PLTP: variants seen among roughly 807,000 people sequenced by gnomAD.
PLTP encodes the protein BPI fold containing family E.
Under a neutral mutation model 54.1 loss-of-function variants are expected in PLTP, and 43 were observed. The observed-to-expected ratio is 0.79, with a 90% CI of 0.62 to 1.02. The LOEUF (loss-of-function observed/expected upper bound fraction) is 1.02, where lower values mean the gene tolerates loss of function less well. Ranked by LOEUF, PLTP falls within the 50% of genes least tolerant of loss-of-function variation. The pLI, the probability that PLTP is intolerant of heterozygous loss-of-function variation, is 0.00. For missense variants in PLTP, 604 were observed against 645.9 expected, an observed-to-expected ratio of 0.94 and a Z score of 0.70; for synonymous variants, 263 against 264.6, an observed-to-expected ratio of 0.99 and a Z score of 0.06.
intron 1 of PLTP, 65 bp from the exon 2 acceptor site, chr20:45,911,528 C>T (rs1429655054): frequency 6.3e-7 from 1 of 1,592,798 alleles, no homozygotes. Context: ...GGACGTCCAA[C>T]CATAAGTGGG....
chr20:45,908,866 T>C (rs1015428933), intron 5 of PLTP, among the ~76,000 whole-genome samples: 1 of 152,064 alleles, frequency 6.6e-6, no homozygotes, highest in African/African-American at 2.4e-5. Flanking sequence ...ATCCAGTACA[T>C]GGCCAAATGT....
chr20:45,902,365 G>A (rs2083194452), intron 11 of PLTP, 31 bp from the exon 12 acceptor site: 1 of 1,614,086 alleles, frequency 6.2e-7, no homozygotes, highest in Admixed American at 1.7e-5. Context: ...GGATGTTACT[G>A]ACCCAGAAGG....
At chr20:45,901,668 G>A (rs187105235) in intron 12 of PLTP, among the ~76,000 whole-genome samples, 184 of 152,112 alleles carry the variant, frequency 1.2e-3, no homozygotes, top group African/African-American at 4.3e-3. Flanking sequence ...TTGGGAGGCC[G>A]GGGCAGGTGA....
intron 5 of PLTP, among the ~76,000 whole-genome samples, chr20:45,908,425 C>A (rs1314751584): frequency 6.6e-6 from 1 of 152,104 alleles, no homozygotes; most frequent in Non-Finnish European, 1.5e-5. Context: ...TGACAGTGTA[C>A]CAACACCAGG....
chr20:45,910,758 C>T, intron 3 of PLTP: 1 of 941,652 alleles, frequency 1.1e-6, no homozygotes, highest in Non-Finnish European at 1.4e-6. Context: ...TCCTTATTCC[C>T]CCTCCCTCAT....
intron 12 of PLTP, 42 bp from the exon 13 acceptor site, chr20:45,899,920 G>A (rs544066707): frequency 1.9e-6 from 3 of 1,538,650 alleles, no homozygotes; most frequent in Admixed American, 3.9e-5. Context: ...AAGCCTGGAA[G>A]CTCCCCTTCC....
chr20:45,910,079 G>C lies in PLTP; in HGVS notation c.201-9C>G. 6.2e-7 allele frequency: 1 copy of C among 1,613,726 alleles called. No individual in the cohort carries two copies. Among genetic ancestry groups the C allele is most frequent in the Non-Finnish European group, 8.5e-7 (1 of 1,179,802 alleles). ...GCTCTGTGACCTTCACCCTACAGGA[G>C]GCCTCAGGGTCAGATCCAGGGCCAA... is the stretch of plus-strand genomic sequence containing the variant. On this transcript the variant is annotated splice_polypyrimidine_tract_variant and intron_variant, in intron 3 of 15. Transcript: ENST00000372431.
Position 45,902,562 on chromosome 20 carries a change from C to T in PLTP, c.985G>A (p.Val329Ile). The change falls in exon 11 of 16, where the codon GTC becomes ATC. Residue 329 changes from valine to isoleucine, a missense_variant. By Grantham distance (29) the Val-to-Ile change is conservative (BLOSUM62 3). Coordinates refer to ENST00000372431, the MANE Select transcript of PLTP (RefSeq NM_006227.4). Reference sequence around the variant, plus strand: ...ATGGTGCAGCGCGGTGGGGCCAGGACCCGCAGCTCCAGCTTCAATGGGGAG... The same window carrying T: ...ATGGTGCAGCGCGGTGGGGCCAGGATCCGCAGCTCCAGCTTCAATGGGGAG... ...IDSPLKLELR[V>I]LAPPRCTIKP... 1 of 1,613,806 alleles carries T rather than the reference C, an allele frequency of 6.2e-7. No individual in the cohort carries two copies. The highest frequency in any genetic ancestry group is 8.5e-7 in the Non-Finnish European group (1 of 1,179,820).
At chr20:45,904,703 C>T in intron 10 of PLTP, 97 bp downstream of exon 10, 2 of 1,094,976 alleles carry the variant, frequency 1.8e-6, no homozygotes, top group Non-Finnish European at 2.8e-6. Flanking sequence ...GAGGCCAGGG[C>T]CCTGTCTGCG....
chr20:45,903,340 C>T (rs2083204960), intron 10 of PLTP, among the ~76,000 whole-genome samples: 1 of 152,226 alleles, frequency 6.6e-6, no homozygotes. Flanking sequence ...GCTGAGACCA[C>T]AGGTTCATGC....
At chr20:45,904,677 G>T (rs2083221272) in intron 10 of PLTP, 123 bp downstream of exon 10, 1 of 873,772 alleles carries the variant, frequency 1.1e-6, no homozygotes, top group Non-Finnish European at 2.0e-6. Context: ...AGGCGAGGGG[G>T]ATTGGCCACA....
chr20:45,906,890 CAAAAAAAA>C lies in PLTP; in HGVS notation c.614-539_614-532del, dbSNP rs746783296. ...TGGGTGACAGAGCGAGACTCCATCTCAAAAAAAAAAAAAAAAAAAAAAGATGGCATGAG... is the reference window on the plus strand; with the variant it reads ...TGGGTGACAGAGCGAGACTCCATCTCAAAAAAAAAAAAAAGATGGCATGAG... On this transcript the variant is annotated intron_variant, in intron 7 of 15. Transcript: ENST00000372431. 4.9e-5 allele frequency among the ~76,000 whole-genome samples: 2 copies of C among 41,030 alleles called. 1 individual carries two copies. Among genetic ancestry groups the C allele is most frequent in the Non-Finnish European group, 1.2e-4 (2 of 16,708 alleles). The allele number at this position is 41,030 out of a possible 152,430, so 26.9% of individuals were successfully genotyped here.
intron 1 of PLTP, chr20:45,911,760 CCAA>C (rs2083296364): frequency 2.0e-6 from 1 of 500,648 alleles, no homozygotes; most frequent in Admixed American, 3.2e-5. Flanking sequence ...CCCCACACCC[CCAA>C]CAACCTCCCC....
intron 7 of PLTP, 109 bp downstream of exon 7, chr20:45,907,583 C>T (rs2083252170): frequency 9.6e-7 from 1 of 1,039,564 alleles, no homozygotes; most frequent in Non-Finnish European, 1.5e-6. Flanking sequence ...AAGTCAGCTC[C>T]AGGGGCCACA....
In PLTP at chr20:45,906,357, G is replaced by A. The variant is rs775414533; in HGVS notation, c.616C>T (p.Arg206Cys). The change falls in exon 8 of 16, where the codon CGC becomes TGC. Residue 206 changes from arginine (R) to cysteine (C), a missense_variant and splice_region_variant. Arg to Cys is a radical substitution (Grantham distance 180). Coordinates refer to ENST00000372431, the MANE Select transcript of PLTP (RefSeq NM_006227.4). ...LNSLLDTVPV[R>C]SSVDELVGID... Reference sequence around the variant, plus strand: ...CCAACAAGCTCGTCCACAGAACTGCGCACTGCAGGAAGGGGCTCAAGTCAC... The same window carrying A: ...CCAACAAGCTCGTCCACAGAACTGCACACTGCAGGAAGGGGCTCAAGTCAC... 1.2e-5 allele frequency: 20 copies of A among 1,612,404 alleles called. No homozygotes were observed. Among genetic ancestry groups the A allele is most frequent in the Middle Eastern group, 3.3e-4 (2 of 6,082 alleles).
Position 45,902,645 on chromosome 20 carries a change from T to C in PLTP, c.943-41A>G, listed in dbSNP as rs11569650. The C allele has an allele frequency of 2.2e-3, 3,420 of 1,545,862 alleles. 60 individuals are homozygous for C. In the African/African-American group the frequency reaches 0.04, roughly 18 times the overall value. ...CAGGGGCGGGTCAAGTCCCTGCCAT[T>C]TCCTTTGGAGCCCCCAGGGAAGAAG... On this transcript the variant is annotated intron_variant, in intron 10 of 15. Coordinates refer to ENST00000372431, the MANE Select transcript of PLTP (RefSeq NM_006227.4).
At chr20:45,901,763 G>A (rs140089512) in intron 12 of PLTP, among the ~76,000 whole-genome samples, 372 of 151,966 alleles carry the variant, frequency 2.4e-3, no homozygotes, top group Non-Finnish European at 3.7e-3. Context: ...TTAGCCGGGC[G>A]TGGTGGCGCA....
At chr20:45,911,064 C>T in intron 3 of PLTP, 88 bp downstream of exon 3, 1 of 1,611,214 alleles carries the variant, frequency 6.2e-7, no homozygotes, top group East Asian at 2.2e-5. Context: ...CACTCAGCCT[C>T]CAGTCTCCCG....
chr20:45,909,923 G>A lies in PLTP; in HGVS notation c.329+19C>T. ...CTCCTGACCCACTCTCCACTCCCCTGAGGGTGCTGGGTCCTTACAAGAACC... is the reference window on the plus strand; with the variant it reads ...CTCCTGACCCACTCTCCACTCCCCTAAGGGTGCTGGGTCCTTACAAGAACC... On this transcript the variant is annotated intron_variant, in intron 4 of 15. Transcript: ENST00000372431. 1 of 1,613,854 alleles carries A rather than the reference G, an allele frequency of 6.2e-7. No individual in the cohort carries two copies. The highest frequency in any genetic ancestry group is 8.5e-7 in the Non-Finnish European group (1 of 1,179,934).
Sources: allele counts gnomAD v4.1 joint callset (sites outside exome capture counted in the v4.1 genomes callset), GRCh38; gene constraint gnomAD v4.1.1; transcripts MANE v1.5; gene names NCBI Gene and HGNC (gene_info 2026-07-23, HGNC 2026-07-21).